The following GALNT10 variants were observed in gnomAD, a reference collection of about 807,000 sequenced individuals.
GALNT10 encodes the protein GalNAc transferase 10.
Under a neutral mutation model 75.0 loss-of-function variants are expected in GALNT10, and 41 were observed. The ratio of observed to expected loss-of-function variants is 0.55; its 90% confidence interval spans 0.43 to 0.71. GALNT10 has a LOEUF of 0.71. GALNT10 is among the 30% of genes least tolerant of loss of function. GALNT10 has a pLI of 0.00. For synonymous variants in GALNT10, 302 were observed against 313.0 expected, an observed-to-expected ratio of 0.96 and a Z score of 0.37; for missense variants, 727 against 818.5, an observed-to-expected ratio of 0.89 and a Z score of 1.36.
chr5:154,330,556 A>G (rs1378420228), intron 4 of GALNT10, among the ~76,000 whole-genome samples: 2 of 152,210 alleles, frequency 1.3e-5, no homozygotes, highest in Admixed American at 1.3e-4. Context: ...AGCTACATCC[A>G]GAGCCTCTTA....
chr5:154,403,639 A>G (rs1331183353), intron 7 of GALNT10: 2 of 190,004 alleles, frequency 1.1e-5, no homozygotes, highest in Middle Eastern at 2.2e-3. Flanking sequence ...TGTGATCACC[A>G]TGGTCTTTCC....
chr5:154,261,076 AT>A (rs1225913201), intron 1 of GALNT10, among the ~76,000 whole-genome samples: 1 of 152,188 alleles, frequency 6.6e-6, no homozygotes, highest in Non-Finnish European at 1.5e-5. Context: ...GGGGACACCC[AT>A]TGTTAAACAG....
Position 154,416,708 on chromosome 5 carries a change from A to T in GALNT10, c.1654-106A>T. 1.2e-6 allele frequency: 1 copy of T among 814,564 alleles called. No individual in the cohort carries two copies. The allele number at this position is 814,564 out of a possible 1,614,324, so 50.5% of individuals were successfully genotyped here. ...AAAACCAACAGGTGTATGAACAGCT[A>T]GTCAGTCAGTCACTTCCTCACTTTC... On this transcript the variant is annotated intron_variant, in intron 11 of 11. Coordinates refer to ENST00000297107, the MANE Select transcript of GALNT10 (RefSeq NM_198321.4). This position sits in a 1 kb window ranked among gnomAD's most constrained non-coding sequence, Gnocchi z 4.5.
intron 1 of GALNT10, among the ~76,000 whole-genome samples, chr5:154,275,318 G>A (rs1190792282): frequency 1.3e-5 from 2 of 152,194 alleles, no homozygotes; most frequent in African/African-American, 4.8e-5. Flanking sequence ...AGATAGATAG[G>A]GGAATTGAGG....
intron 7 of GALNT10, among the ~76,000 whole-genome samples, chr5:154,398,458 G>T (rs140560208): frequency 6.6e-6 from 1 of 152,228 alleles, no homozygotes; most frequent in Admixed American, 6.5e-5. Context: ...TCTTGGGTGA[G>T]AGGACAGTGC....
At chr5:154,378,073 GT>G (rs1226100879) in intron 5 of GALNT10, among the ~76,000 whole-genome samples, 1 of 152,148 alleles carries the variant, frequency 6.6e-6, no homozygotes, top group Non-Finnish European at 1.5e-5. Flanking sequence ...CCCCTTGTTG[GT>G]TTTTGTTGTT....
Position 154,409,981 on chromosome 5 carries a change from G to C in GALNT10, c.1386+219G>C, listed in dbSNP as rs192859753. ...GAAAAATTAAAACTTTAAGTTATTAGCATGAATTTTACCTTTCATCTTTAT... is the reference window on the plus strand; with the variant it reads ...GAAAAATTAAAACTTTAAGTTATTACCATGAATTTTACCTTTCATCTTTAT... On this transcript the variant is annotated intron_variant, in intron 9 of 11. Coordinates refer to ENST00000297107, the MANE Select transcript of GALNT10 (RefSeq NM_198321.4). The surrounding 1 kb of genome is among the most constrained non-coding windows in gnomAD (Gnocchi z 4.5). 1.0e-3 allele frequency among the ~76,000 whole-genome samples: 157 copies of C among 152,226 alleles called. No individual in the cohort carries two copies. Among genetic ancestry groups the C allele is most frequent in the African/African-American group, 3.7e-3 (153 of 41,524 alleles).
At chr5:154,231,738 A>G (rs1315537432) in intron 1 of GALNT10, among the ~76,000 whole-genome samples, 2 of 152,106 alleles carry the variant, frequency 1.3e-5, no homozygotes, top group Non-Finnish European at 2.9e-5. Flanking sequence ...AAGGCCATAC[A>G]TGTTTGTAGG....
At position 154,380,618 on chromosome 5, in the gene GALNT10, A is replaced by G; in HGVS notation, c.925A>G (p.Ser309Gly). 6.2e-7 allele frequency: 1 copy of G among 1,612,122 alleles called. No homozygotes were observed. The change falls in exon 6 of 12, where the codon AGC (serine) becomes GGC (glycine). Residue 309 changes from serine to glycine, a missense_variant. Physicochemically the swap from Ser to Gly is moderately conservative, Grantham distance 56. Transcript: ENST00000297107. ...TCCAGAACTGCAGAAAGCTGACCCC[A>G]GCGACCCATTTGAGTAAGTATGAAC... ...IPPELQKADPSDPFESPVMAG... is the reference protein window; with the variant it reads ...IPPELQKADPGDPFESPVMAG...
rs1286694245 is a variant in GALNT10 at position 154,420,308 on chromosome 5, A to G, written c.*3336A>G. 1 of 152,348 alleles carries G rather than the reference A, an allele frequency of 6.6e-6. No individual in the cohort carries two copies. The highest frequency in any genetic ancestry group is 1.9e-4 in the East Asian group (1 of 5,186). 9.4% of individuals were successfully genotyped at this position (152,348 alleles called of 1,614,324 possible). A position where few individuals can be genotyped will look rare whatever the true frequency, so the allele number is the denominator to read the frequency against. Reference sequence around the variant, plus strand: ...ACTTTTCAAACTTCCCACCAGTTGAATTTCTTTTTTTCCTTAAGAAACAGG... The same window carrying G: ...ACTTTTCAAACTTCCCACCAGTTGAGTTTCTTTTTTTCCTTAAGAAACAGG... On this transcript the variant is annotated 3_prime_UTR_variant, in exon 12 of 12. Transcript: ENST00000297107.
intron 8 of GALNT10, among the ~76,000 whole-genome samples, chr5:154,405,917 C>T (rs1032134555): frequency 6.6e-6 from 1 of 150,942 alleles, no homozygotes; most frequent in South Asian, 2.1e-4. Flanking sequence ...GAGACATTAC[C>T]GCCTCCTGCT....
At chr5:154,271,414 C>T (rs1194590808) in intron 1 of GALNT10, among the ~76,000 whole-genome samples, 3 of 152,144 alleles carry the variant, frequency 2.0e-5, no homozygotes, top group Non-Finnish European at 4.4e-5. Context: ...TGCAGTGAGC[C>T]GAGATTGCAT....
intron 6 of GALNT10, among the ~76,000 whole-genome samples, chr5:154,385,069 T>A (rs1467893131): frequency 6.6e-6 from 1 of 152,206 alleles, no homozygotes. Flanking sequence ...AGCTTTTGGG[T>A]TGACTAAGAG....
intron 4 of GALNT10, among the ~76,000 whole-genome samples, chr5:154,351,328 C>A (rs1349418772): frequency 6.6e-6 from 1 of 152,216 alleles, no homozygotes; most frequent in Non-Finnish European, 1.5e-5. Flanking sequence ...TGCCCTCAAA[C>A]CACTCTAGTG....
rs1440814605 is a variant in GALNT10, at chr5:154,271,682, C to T, written c.160-23134C>T. Reference sequence around the variant, plus strand: ...GCCTTGACATATTTTAGACAATGTCCCAGTGGATGCCACATGTCCAGTCAT... The same window carrying T: ...GCCTTGACATATTTTAGACAATGTCTCAGTGGATGCCACATGTCCAGTCAT... On this transcript the variant is annotated intron_variant, in intron 1 of 11. Coordinates refer to ENST00000297107, the MANE Select transcript of GALNT10 (RefSeq NM_198321.4). Among the ~76,000 whole-genome samples, 10 of 152,174 alleles carry T rather than the reference C, an allele frequency of 6.6e-5. No individual in the cohort carries two copies. In the East Asian group the frequency reaches 1.4e-3, roughly 21 times the overall value.
In GALNT10 at chr5:154,197,666, A is replaced by T. The variant is rs143641737; in HGVS notation, c.159+6641A>T. 2.7e-3 allele frequency among the ~76,000 whole-genome samples: 417 copies of T among 152,336 alleles called. 2 individuals carry two copies. Among genetic ancestry groups the T allele is most frequent in the African/African-American group, 9.2e-3 (382 of 41,576 alleles). On this transcript the variant is annotated intron_variant, in intron 1 of 11. Coordinates refer to ENST00000297107, the MANE Select transcript of GALNT10 (RefSeq NM_198321.4). ...TCAGGTGATGAAAGCCACAGCATAA[A>T]ATGATACTGATCCAAAGAATGATGA...
intron 1 of GALNT10, among the ~76,000 whole-genome samples, chr5:154,241,659 A>G (rs537114794): frequency 6.6e-6 from 1 of 152,328 alleles, no homozygotes; most frequent in South Asian, 2.1e-4. Context: ...TATTTTGTTA[A>G]TAGAGTTGTG....
intron 7 of GALNT10, among the ~76,000 whole-genome samples, chr5:154,390,013 C>A (rs1755868373): frequency 6.6e-6 from 1 of 152,170 alleles, no homozygotes; most frequent in Non-Finnish European, 1.5e-5. Flanking sequence ...AGGTCTGATA[C>A]AACTACAACT....
At chr5:154,265,843 C>A (rs1433046314) in intron 1 of GALNT10, among the ~76,000 whole-genome samples, 1 of 151,948 alleles carries the variant, frequency 6.6e-6, no homozygotes, top group South Asian at 2.1e-4. Context: ...ATTTGAAAAT[C>A]GCCAATTAGG....
Sources: allele counts gnomAD v4.1 joint callset (sites outside exome capture counted in the v4.1 genomes callset), GRCh38; gene constraint gnomAD v4.1.1; non-coding constraint Gnocchi (gnomAD v3.1); transcripts MANE v1.5; gene names NCBI Gene and HGNC (gene_info 2026-07-23, HGNC 2026-07-21).